The following SMARCA2 variants were observed in gnomAD, a reference collection of about 807,000 sequenced individuals.
SMARCA2 encodes the protein SWI/SNF related BAF chromatin remodeling complex subunit ATPase 2.
In SMARCA2, 61 loss-of-function variants were observed where a neutral mutation model predicts 199.8. That is an observed-to-expected ratio of 0.31 (90% CI 0.25 to 0.38). The LOEUF (loss-of-function observed/expected upper bound fraction) is 0.38, where lower values mean the gene tolerates loss of function less well. Among genes scored for constraint, SMARCA2 ranks in the 10% least tolerant of loss-of-function variants. The pLI is 1.00. For synonymous variants in SMARCA2, 935 were observed against 732.0 expected (o/e 1.28, Z -4.48); for missense variants, 1,344 against 2,012.2 (o/e 0.67, Z 6.35).
intron 15 of SMARCA2, 127 bp downstream of exon 15, chr9:2,082,122 G>A: frequency 1.3e-6 from 1 of 773,876 alleles, no homozygotes; most frequent in Admixed American, 2.5e-5. Flanking sequence ...AGATTACCAA[G>A]AGCATGTAAT....
chr9:2,046,498 A>G lies in SMARCA2; in HGVS notation c.791-731A>G, dbSNP rs188379931. ...TTTTAAGAAGTGTTTTCTAATATGTAGTAAGAAAAAATTTAAGTTCCCAGA... is the reference window on the plus strand; with the variant it reads ...TTTTAAGAAGTGTTTTCTAATATGTGGTAAGAAAAAATTTAAGTTCCCAGA... On this transcript the variant is annotated intron_variant, in intron 4 of 33. Transcript: ENST00000349721. Among the ~76,000 whole-genome samples, 5 of 152,330 alleles carry G rather than the reference A, an allele frequency of 3.3e-5. 1 individual carries two copies. The East Asian group carries it at 7.7e-4, about 23-fold the overall frequency.
At chr9:2,125,856 G>C (rs1823667442) in intron 27 of SMARCA2, among the ~76,000 whole-genome samples, 1 of 152,142 alleles carries the variant, frequency 6.6e-6, no homozygotes, top group South Asian at 2.1e-4. Context: ...AAATAACCTT[G>C]TTTATTGGGC....
intron 29 of SMARCA2, among the ~76,000 whole-genome samples, chr9:2,176,269 C>G (rs558277073): frequency 2.1e-5 from 3 of 145,122 alleles, no homozygotes; most frequent in Admixed American, 7.0e-5. Context: ...CATTCTATTA[C>G]TTGTTCTTTC....
At position 2,170,395 on chromosome 9, in the gene SMARCA2, A is replaced by G. The variant is rs758368356; in HGVS notation, c.4200-24A>G. On this transcript the variant is annotated intron_variant, in intron 28 of 33. Transcript: ENST00000349721. The surrounding 1 kb of genome is among the most constrained non-coding windows in gnomAD (Gnocchi z 4.7). ...ACGAGAACCCAGGTCTTCTGACTCT[A>G]GTGTTCTTTCTACTCTACCGCAGGT... 1.2e-6 allele frequency: 2 copies of G among 1,613,976 alleles called. No homozygotes were observed. Among genetic ancestry groups the G allele is most frequent in the East Asian group, 4.5e-5 (2 of 44,854 alleles).
At chr9:2,187,488 A>G (rs565441329) in intron 32 of SMARCA2, among the ~76,000 whole-genome samples, 19 of 152,264 alleles carry the variant, frequency 1.2e-4, no homozygotes, top group Middle Eastern at 6.8e-3. Flanking sequence ...CCTGGATAAC[A>G]TAGCAAGACC....
At chr9:2,040,658 G>T (rs138349488) in intron 4 of SMARCA2, 20 of 152,318 alleles carry the variant, frequency 1.3e-4, no homozygotes, top group Admixed American at 2.6e-4. Context: ...CATCATTATT[G>T]TAAGAGGCAC....
intron 33 of SMARCA2, 161 bp downstream of exon 33, chr9:2,191,569 A>G (rs1043284671): frequency 3.9e-5 from 29 of 752,806 alleles, no homozygotes; most frequent in Non-Finnish European, 5.6e-5. Flanking sequence ...ACGGAGCTGT[A>G]TGATTTAGAA....
chr9:2,181,652 G>A lies in SMARCA2; in HGVS notation c.4335G>A (p.Lys1445=). 2.6e-6 allele frequency: 4 copies of A among 1,538,290 alleles called. No individual in the cohort carries two copies. Among genetic ancestry groups the A allele is most frequent in the Non-Finnish European group, 3.6e-6 (4 of 1,111,848 alleles). ...ELPEYYELIR[K]PVDFKKIKER... ...CAGAATACTATGAATTAATTAGGAA[G>A]CCAGTGGATTTCAAAAAAATAAAGG... The change falls in exon 30 of 34, where the codon AAG becomes AAA. Residue 1445 remains lysine (K), a synonymous_variant. Transcript: ENST00000349721.
chr9:2,160,441 T>C (rs1825607544), intron 27 of SMARCA2: 1 of 519,460 alleles, frequency 1.9e-6, no homozygotes, highest in African/African-American at 1.9e-5. Context: ...CTGGCATTTT[T>C]AACATGCCAG....
intron 2 of SMARCA2, among the ~76,000 whole-genome samples, chr9:2,030,273 A>G (rs1272351915): frequency 6.6e-6 from 1 of 152,174 alleles, no homozygotes; most frequent in Non-Finnish European, 1.5e-5. Context: ...ATCTGCAGTC[A>G]CCAATCTGGA....
At chr9:2,041,482 A>AT (rs1465484852) in intron 4 of SMARCA2, 1 of 398,368 alleles carries the variant, frequency 2.5e-6, no homozygotes, top group East Asian at 3.6e-5. Context: ...TTACAAGGGC[A>AT]TGAATCCCAA....
chr9:2,026,026 G>A (rs1818813665), intron 1 of SMARCA2, among the ~76,000 whole-genome samples: 1 of 152,148 alleles, frequency 6.6e-6, no homozygotes, highest in Admixed American at 6.5e-5. Flanking sequence ...ACAGCTGGAA[G>A]GGACCTTTGA....
intron 25 of SMARCA2, among the ~76,000 whole-genome samples, chr9:2,118,951 A>G (rs940466788): frequency 6.6e-6 from 1 of 152,200 alleles, no homozygotes; most frequent in African/African-American, 2.4e-5. Context: ...TTTGGCACAT[A>G]TATGTGATTT....
At chr9:2,179,313 A>AC (rs1826845185) in intron 29 of SMARCA2, among the ~76,000 whole-genome samples, 1 of 152,254 alleles carries the variant, frequency 6.6e-6, no homozygotes, top group South Asian at 2.1e-4. Context: ...GATGGAAACA[A>AC]CATATCCCAA....
chr9:2,146,714 A>G (rs991408674), intron 27 of SMARCA2, among the ~76,000 whole-genome samples: 10 of 152,190 alleles, frequency 6.6e-5, no homozygotes, highest in African/African-American at 2.2e-4. Flanking sequence ...GATATGCTAA[A>G]TAAAGAGTGG....
chr9:2,124,678 T>G (rs888969807), intron 27 of SMARCA2, among the ~76,000 whole-genome samples: 9 of 152,204 alleles, frequency 5.9e-5, no homozygotes, highest in African/African-American at 2.2e-4. Context: ...GTTTATGTTG[T>G]TTTTCCTTTG....
At chr9:2,191,463 G>C in intron 33 of SMARCA2, 55 bp downstream of exon 33, 2 of 1,594,072 alleles carry the variant, frequency 1.3e-6, no homozygotes, top group Non-Finnish European at 1.7e-6. Context: ...CTGCTTGCTG[G>C]CCTCTTGCAT....
intron 27 of SMARCA2, among the ~76,000 whole-genome samples, chr9:2,155,007 T>G (rs1825274608): frequency 6.6e-6 from 1 of 152,174 alleles, no homozygotes; most frequent in Admixed American, 6.5e-5. Flanking sequence ...TTTCTCTAAG[T>G]CTCTTGCAGG....
intron 5 of SMARCA2, among the ~76,000 whole-genome samples, chr9:2,053,649 T>G (rs962093925): frequency 6.6e-6 from 1 of 152,216 alleles, no homozygotes; most frequent in African/African-American, 2.4e-5. Context: ...TTATTACTTA[T>G]TATTATTCTT....
Sources: gnomAD v4.1 joint callset for allele counts (sites outside exome capture counted in the v4.1 genomes callset) on GRCh38, gnomAD v4.1.1 for gene constraint, Gnocchi (gnomAD v3.1) non-coding constraint, MANE v1.5 for transcripts, NCBI Gene and HGNC (gene_info 2026-07-23, HGNC 2026-07-21) for gene names.